NUP153: variants seen among roughly 807,000 people sequenced by gnomAD.
The protein encoded by NUP153 is nuclear pore complex protein Nup153.
In NUP153, 27 loss-of-function variants were observed where a neutral mutation model predicts 134.6. The ratio of observed to expected loss-of-function variants is 0.20; its 90% confidence interval spans 0.15 to 0.28. The LOEUF is 0.28. NUP153 is among the 10% of genes least tolerant of loss of function. The pLI, the probability that NUP153 is intolerant of heterozygous loss-of-function variation, is 1.00. For synonymous variants in NUP153, 640 were observed against 623.5 expected (o/e 1.03, Z -0.40); for missense variants, 1,821 against 1,731.3 (o/e 1.05, Z -0.92).
chr6:17,677,559 C>G lies in NUP153; in HGVS notation c.335-1789G>C, dbSNP rs186993414. Among the ~76,000 whole-genome samples, 156 of 152,174 alleles carry G rather than the reference C, an allele frequency of 1.0e-3. 2 individuals are homozygous for G. In the East Asian group the frequency reaches 0.011, roughly 11 times the overall value. ...AAAAGAGCCCTTAAAATTATTTTGA[C>G]TAGGATCACACTGAATTTAAGATTT... On this transcript the variant is annotated intron_variant, in intron 2 of 21. Coordinates refer to ENST00000262077, the MANE Select transcript of NUP153 (RefSeq NM_005124.4).
At chr6:17,691,373 C>T (rs1769264522) in intron 1 of NUP153, among the ~76,000 whole-genome samples, 1 of 152,146 alleles carries the variant, frequency 6.6e-6, no homozygotes, top group African/African-American at 2.4e-5. Flanking sequence ...TACCTATATC[C>T]AATATTTAAT....
intron 5 of NUP153, among the ~76,000 whole-genome samples, chr6:17,674,366 G>A (rs866297062): frequency 3.9e-5 from 6 of 151,900 alleles, no homozygotes; most frequent in East Asian, 3.9e-4. Context: ...TGAGATACAC[G>A]CACATATCTA....
At chr6:17,698,599 G>A (rs564589694) in intron 1 of NUP153, among the ~76,000 whole-genome samples, 25 of 152,128 alleles carry the variant, frequency 1.6e-4, no homozygotes, top group Admixed American at 5.9e-4. Flanking sequence ...TTAGCGGGGC[G>A]TGGTGGTGGG....
chr6:17,623,803 C>T (rs938155033), intron 20 of NUP153, among the ~76,000 whole-genome samples: 1 of 151,940 alleles, frequency 6.6e-6, no homozygotes, highest in Non-Finnish European at 1.5e-5. Context: ...TAAAAGCAGG[C>T]AAAACTACAT....
chr6:17,684,432 C>T (rs748018299), intron 2 of NUP153, among the ~76,000 whole-genome samples: 3 of 152,370 alleles, frequency 2.0e-5, no homozygotes, highest in East Asian at 3.9e-4. Flanking sequence ...TCAGACTTCA[C>T]AGAACTGAAG....
At chr6:17,643,343 G>A (rs1291391783) in intron 14 of NUP153, among the ~76,000 whole-genome samples, 1 of 152,104 alleles carries the variant, frequency 6.6e-6, no homozygotes, top group African/African-American at 2.4e-5. Flanking sequence ...ATGGTGGCAG[G>A]TGCCTGTAAT....
At chr6:17,689,494 A>G (rs530849244) in intron 1 of NUP153, among the ~76,000 whole-genome samples, 31 of 152,152 alleles carry the variant, frequency 2.0e-4, no homozygotes, top group African/African-American at 7.2e-4. Context: ...CACTACAGCA[A>G]ATGTTGGCTG....
At chr6:17,647,422 T>C (rs1269203758) in intron 13 of NUP153, among the ~76,000 whole-genome samples, 3 of 152,130 alleles carry the variant, frequency 2.0e-5, no homozygotes, top group Non-Finnish European at 4.4e-5. Context: ...AAAACAGCAA[T>C]TAAAGGACAG....
chr6:17,667,530 C>T (rs1767607518), intron 8 of NUP153, among the ~76,000 whole-genome samples: 1 of 152,006 alleles, frequency 6.6e-6, no homozygotes, highest in African/African-American at 2.4e-5. Flanking sequence ...CTGGCTAATA[C>T]GGTGAAACCC....
chr6:17,669,081 CTT>C (rs371772324), intron 7 of NUP153, 53 bp from the exon 8 acceptor site: 11,504 of 907,042 alleles, frequency 0.013, no homozygotes, highest in East Asian at 0.017. Context: ...TGAAAAATAC[CTT>C]TTTTTTTTTT....
intron 6 of NUP153, 27 bp downstream of exon 6, chr6:17,669,403 G>A: frequency 6.3e-7 from 1 of 1,592,522 alleles, no homozygotes; most frequent in Non-Finnish European, 8.6e-7. Flanking sequence ...TTACACTCCT[G>A]TATTAATCGT....
Position 17,632,858 on chromosome 6 carries a change from A to C in NUP153, c.2465-14T>G, listed in dbSNP as rs768442580. ...GTACTGAACTTCCTAAAAAAAAAAA[A>C]AAAAACGGGGAGTGGGGGGAGATTT... On this transcript the variant is annotated splice_polypyrimidine_tract_variant and intron_variant, in intron 16 of 21. Transcript: ENST00000262077. The C allele has an allele frequency of 3.2e-6, 5 of 1,543,372 alleles. No individual in the cohort carries two copies. In the Admixed American group the frequency reaches 8.8e-5, roughly 27 times the overall value.
At chr6:17,622,252 C>T (rs535156738) in intron 20 of NUP153, among the ~76,000 whole-genome samples, 1 of 151,966 alleles carries the variant, frequency 6.6e-6, no homozygotes, top group African/African-American at 2.4e-5. Flanking sequence ...GAGTTAGAGA[C>T]CAGCCTGGAT....
At chr6:17,700,927 C>G (rs1398177035) in intron 1 of NUP153, among the ~76,000 whole-genome samples, 1 of 152,162 alleles carries the variant, frequency 6.6e-6, no homozygotes, top group Non-Finnish European at 1.5e-5. Flanking sequence ...GTTTCCTTCC[C>G]CTTTTTAAAA....
At chr6:17,645,158 G>A (rs940642418) in intron 14 of NUP153, among the ~76,000 whole-genome samples, 12 of 150,106 alleles carry the variant, frequency 8.0e-5, no homozygotes, top group Admixed American at 2.0e-4. Flanking sequence ...AGGAGAAATC[G>A]TTTGAATTCG....
At chr6:17,645,757 A>G (rs1196193158) in intron 14 of NUP153, among the ~76,000 whole-genome samples, 1 of 152,222 alleles carries the variant, frequency 6.6e-6, no homozygotes, top group Non-Finnish European at 1.5e-5. Flanking sequence ...TAAATTTCTT[A>G]TAATGAGACT....
chr6:17,705,791 C>T (rs904273721), intron 1 of NUP153, among the ~76,000 whole-genome samples: 11 of 151,800 alleles, frequency 7.2e-5, no homozygotes, highest in Non-Finnish European at 1.3e-4. Flanking sequence ...GTAACAGCGC[C>T]CCCCACAACT....
chr6:17,698,330 C>T (rs1001523658), intron 1 of NUP153, among the ~76,000 whole-genome samples: 4 of 152,214 alleles, frequency 2.6e-5, no homozygotes, highest in Non-Finnish European at 5.9e-5. Context: ...CCGTGGCTCA[C>T]GCCTGTAATC....
chr6:17,664,177 C>T (rs964442121), intron 9 of NUP153, among the ~76,000 whole-genome samples: 1 of 152,042 alleles, frequency 6.6e-6, no homozygotes, highest in African/African-American at 2.4e-5. Flanking sequence ...ACCTTGAAAA[C>T]ACTATGCTAA....
Sources: allele counts gnomAD v4.1 joint callset (sites outside exome capture counted in the v4.1 genomes callset), GRCh38; gene constraint gnomAD v4.1.1; transcripts MANE v1.5; gene names NCBI Gene and HGNC (gene_info 2026-07-23, HGNC 2026-07-21).